The following PARD3 variants were observed in gnomAD, a reference collection of about 807,000 sequenced individuals.
PARD3 encodes par-3 family cell polarity regulator.
Under a neutral mutation model 155.4 loss-of-function variants are expected in PARD3, and 75 were observed. The observed-to-expected ratio is 0.48, with a 90% CI of 0.40 to 0.58. PARD3 has a LOEUF of 0.58. Among genes scored for constraint, PARD3 ranks in the 20% least tolerant of loss-of-function variants. PARD3 has a pLI of 0.00. For missense variants in PARD3, 1,642 were observed against 1,721.7 expected, an observed-to-expected ratio of 0.95 and a Z score of 0.82; for synonymous variants, 576 against 610.5, an observed-to-expected ratio of 0.94 and a Z score of 0.83.
rs750688603 is a variant in PARD3, at chr10:34,605,180, ATTTTTTTTTTTT to A, written c.223-88033_223-88022del. On this transcript the variant is annotated intron_variant, in intron 2 of 24. Coordinates refer to ENST00000374788, the MANE Select transcript of PARD3 (RefSeq NM_001184785.2). ...TGATCTGAAACAGCCCCAAAATGAA[ATTTTTTTTTTTT>A]TTTTTTTTTTTTTTTTTTGAGACGG... Among the ~76,000 whole-genome samples, 35 of 62,484 alleles carry A rather than the reference ATTTTTTTTTTTT, an allele frequency of 5.6e-4. 1 individual carries two copies. Among genetic ancestry groups the A allele is most frequent in the Admixed American group, 2.5e-3 (9 of 3,566 alleles). 41.0% of individuals were successfully genotyped at this position (62,484 alleles called of 152,430 possible).
In PARD3 at chr10:34,384,196, G is replaced by A; in HGVS notation, c.949C>T (p.Leu317Phe). 6.2e-7 allele frequency: 1 copy of A among 1,613,426 alleles called. No homozygotes were observed. The highest frequency in any genetic ancestry group is 8.5e-7 in the Non-Finnish European group (1 of 1,179,562). ...EKGGKAEHEN[L>F]FRENDCIVRI... is the part of the protein sequence containing the mutation. Reference sequence around the variant, plus strand: ...ACAATGCAATCATTCTCACGAAAAAGATTTTCATGTTCAGCTTTACCACCT... The same window carrying A: ...ACAATGCAATCATTCTCACGAAAAAAATTTTCATGTTCAGCTTTACCACCT... The change falls in exon 8 of 25, where the codon CTT becomes TTT. Residue 317 changes from leucine to phenylalanine, a missense_variant. Leu to Phe is a conservative substitution (Grantham distance 22). This residue lies in a region of PARD3 where 1,529 missense variants were observed against 1,587.3 expected (regional missense o/e 0.96). Coordinates refer to ENST00000374788, the MANE Select transcript of PARD3 (RefSeq NM_001184785.2).
At position 34,384,274 on chromosome 10, in the gene PARD3, A is replaced by C; in HGVS notation, c.891-20T>G. 6.2e-7 allele frequency: 1 copy of C among 1,608,918 alleles called. No individual in the cohort carries two copies. The highest frequency in any genetic ancestry group is 8.5e-7 in the Non-Finnish European group (1 of 1,176,908). ...AGGGTTCTGGAACATTAAGAATGCA[A>C]ATGATTACACATGTAATATCTCCAC... On this transcript the variant is annotated intron_variant, in intron 7 of 24. Coordinates refer to ENST00000374788, the MANE Select transcript of PARD3 (RefSeq NM_001184785.2).
chr10:34,512,059 C>G (rs1222220807), intron 3 of PARD3, among the ~76,000 whole-genome samples: 4 of 152,180 alleles, frequency 2.6e-5, no homozygotes, highest in Non-Finnish European at 5.9e-5. Context: ...ACATTTCCAA[C>G]ATGTAAATTT....
At chr10:34,738,763 G>A (rs1345714792) in intron 1 of PARD3, among the ~76,000 whole-genome samples, 2 of 152,022 alleles carry the variant, frequency 1.3e-5, no homozygotes, top group Non-Finnish European at 2.9e-5. Context: ...AAAAAAACAG[G>A]GCAGAAGAGG....
rs2090335893 is a variant in PARD3, at chr10:34,605,866, A to ATCTCCTATATATATC, written c.223-88708_223-88707insGATATATATAGGAGA. 2.7e-4 allele frequency among the ~76,000 whole-genome samples: 14 copies of ATCTCCTATATATATC among 52,792 alleles called. 3 individuals are homozygous for ATCTCCTATATATATC. Among genetic ancestry groups the ATCTCCTATATATATC allele is most frequent in the Admixed American group, 1.1e-3 (5 of 4,410 alleles). The allele number at this position is 52,792 out of a possible 152,430, so 34.6% of individuals were successfully genotyped here. On this transcript the variant is annotated intron_variant, in intron 2 of 24. Transcript: ENST00000374788. ...ATATATATATATCTCCTATATATAT[A>ATCTCCTATATATATC]TCTCCTATATATATATCTCCTATAT...
chr10:34,798,369 G>A (rs868290750), intron 1 of PARD3, among the ~76,000 whole-genome samples: 3 of 150,398 alleles, frequency 2.0e-5, no homozygotes, highest in African/African-American at 7.3e-5. Context: ...GAAAGGAGAA[G>A]AAGAAATGAG....
intron 4 of PARD3, among the ~76,000 whole-genome samples, chr10:34,465,867 C>T (rs962810029): frequency 6.6e-6 from 1 of 152,136 alleles, no homozygotes; most frequent in Non-Finnish European, 1.5e-5. Flanking sequence ...CTCATTACAT[C>T]TTTCTTGATG....
At chr10:34,377,854 G>T in intron 10 of PARD3, 113 bp downstream of exon 10, 3 of 720,098 alleles carry the variant, frequency 4.2e-6, no homozygotes, top group Non-Finnish European at 6.3e-6. Flanking sequence ...GCATACTTCC[G>T]CTAAAATGTA....
At chr10:34,225,759 C>T (rs1952567799) in intron 22 of PARD3, among the ~76,000 whole-genome samples, 1 of 152,068 alleles carries the variant, frequency 6.6e-6, no homozygotes, top group African/African-American at 2.4e-5. Flanking sequence ...TAGGCATGTA[C>T]ATAAGAGCTA....
chr10:34,158,458 G>C (rs1252921776), intron 22 of PARD3, among the ~76,000 whole-genome samples: 1 of 152,166 alleles, frequency 6.6e-6, no homozygotes, highest in African/African-American at 2.4e-5. Flanking sequence ...TGTGGCTAAG[G>C]CTAGGGTGAA....
chr10:34,172,946 C>T (rs572434723), intron 22 of PARD3, among the ~76,000 whole-genome samples: 13 of 152,254 alleles, frequency 8.5e-5, no homozygotes, highest in African/African-American at 3.1e-4. Context: ...TTCATCACTA[C>T]CTGCTCTGCT....
intron 21 of PARD3, among the ~76,000 whole-genome samples, chr10:34,275,762 G>A (rs1955845508): frequency 1.3e-5 from 2 of 152,106 alleles, no homozygotes; most frequent in South Asian, 2.1e-4. Flanking sequence ...TTGAAAAGAT[G>A]GTGAGTATCT....
At chr10:34,735,083 G>T (rs558537851) in intron 1 of PARD3, among the ~76,000 whole-genome samples, 1 of 151,892 alleles carries the variant, frequency 6.6e-6, no homozygotes, top group South Asian at 2.1e-4. Context: ...AAAATTCCCT[G>T]GTGCTAAGGG....
chr10:34,595,941 A>G (rs527510356), intron 2 of PARD3, among the ~76,000 whole-genome samples: 6 of 152,322 alleles, frequency 3.9e-5, no homozygotes, highest in African/African-American at 1.4e-4. Flanking sequence ...AGCCTCCCCA[A>G]CATTGTGAGA....
rs913657730 is a variant in PARD3, at chr10:34,725,617, T to C, written c.121-29198A>G. On this transcript the variant is annotated intron_variant, in intron 1 of 24. Coordinates refer to ENST00000374788, the MANE Select transcript of PARD3 (RefSeq NM_001184785.2). ...AAAATCTACCCTTGGGGGGGCACAA[T>C]ATCTAGTGTCAATCTATCTCAAAAG... Among the ~76,000 whole-genome samples, 6 of 152,272 alleles carry C rather than the reference T, an allele frequency of 3.9e-5. No homozygotes were observed. In the South Asian group the frequency reaches 8.3e-4, roughly 21 times the overall value.
rs995476415 is a variant in PARD3 at position 34,611,813 on chromosome 10, T to C, written c.222+84505A>G. On this transcript the variant is annotated intron_variant, in intron 2 of 24. Coordinates refer to ENST00000374788, the MANE Select transcript of PARD3 (RefSeq NM_001184785.2). ...AAATGTGATACATTTCTTTCTTTTT[T>C]TTTTTTTTTTTTTTGAGGCGGAGTC... 2.6e-4 allele frequency among the ~76,000 whole-genome samples: 38 copies of C among 145,060 alleles called. 1 individual carries two copies. The East Asian group carries it at 7.6e-3, about 29-fold the overall frequency.
At chr10:34,225,028 C>T (rs549051964) in intron 22 of PARD3, among the ~76,000 whole-genome samples, 2 of 152,052 alleles carry the variant, frequency 1.3e-5, no homozygotes, top group Non-Finnish European at 2.9e-5. Flanking sequence ...AAAAAAGAGA[C>T]CAAGATTTTC....
At chr10:34,281,555 C>T (rs1956159685) in intron 21 of PARD3, among the ~76,000 whole-genome samples, 2 of 152,004 alleles carry the variant, frequency 1.3e-5, no homozygotes, top group Admixed American at 1.3e-4. Flanking sequence ...TTACTCAAGA[C>T]CCAACCTCAC....
At chr10:34,502,763 C>A (rs566001329) in intron 3 of PARD3, among the ~76,000 whole-genome samples, 1 of 151,794 alleles carries the variant, frequency 6.6e-6, no homozygotes. Flanking sequence ...TCAAAAAAAA[C>A]AAAAACAAAA....
Sources: gnomAD v4.1 joint callset for allele counts (sites outside exome capture counted in the v4.1 genomes callset) on GRCh38, gnomAD v4.1.1 for gene constraint, gnomAD v4.1.1 regional missense constraint, MANE v1.5 for transcripts, NCBI Gene and HGNC (gene_info 2026-07-23, HGNC 2026-07-21) for gene names.